Variants in WWOX observed in about 807,000 individuals in gnomAD.
WWOX encodes WW domain containing oxidoreductase, also known as WW domain-containing oxidoreductase.
A neutral mutation model predicts 46.2 loss-of-function variants in WWOX; 69 were observed. The ratio of observed to expected loss-of-function variants is 1.49; its 90% CI spans 1.23 to 1.82. The LOEUF (loss-of-function observed/expected upper bound fraction) is 1.82, where lower values mean the gene tolerates loss of function less well. Ranked by LOEUF, WWOX falls within the 40% of genes most tolerant of loss-of-function variation. The pLI is 0.00. For synonymous variants in WWOX, 359 were observed against 202.6 expected, an observed-to-expected ratio of 1.77 and a Z score of -6.56; for missense variants, 919 against 542.6, an observed-to-expected ratio of 1.69 and a Z score of -6.89.
At chr16:78,630,375 C>G (rs956434249) in intron 8 of WWOX, among the ~76,000 whole-genome samples, 1 of 152,120 alleles carries the variant, frequency 6.6e-6, no homozygotes, top group Non-Finnish European at 1.5e-5. Flanking sequence ...TCTGTCTAGA[C>G]TGCTTGTACC....
chr16:78,676,082 A>C (rs936462463), intron 8 of WWOX, among the ~76,000 whole-genome samples: 1 of 151,982 alleles, frequency 6.6e-6, no homozygotes, highest in Non-Finnish European at 1.5e-5. Flanking sequence ...AGACGTTACT[A>C]CTCCATAAGC....
In WWOX at chr16:79,093,093, G is replaced by C. The variant is rs73575143; in HGVS notation, c.1057-118515G>C. On this transcript the variant is annotated intron_variant, in intron 8 of 8. Coordinates refer to ENST00000566780, the MANE Select transcript of WWOX (RefSeq NM_016373.4). Reference sequence around the variant, plus strand: ...AGAAAGATGCTGAGCTGTTGGTTACGTAACTGTGGTACAGCCATTTCATAG... The same window carrying C: ...AGAAAGATGCTGAGCTGTTGGTTACCTAACTGTGGTACAGCCATTTCATAG... Among the ~76,000 whole-genome samples, 559 of 152,308 alleles carry C rather than the reference G, an allele frequency of 3.7e-3. 1 individual carries two copies. The highest frequency in any genetic ancestry group is 7.1e-3 in the Admixed American group (109 of 15,300).
intron 8 of WWOX, among the ~76,000 whole-genome samples, chr16:78,437,014 G>A (rs1474941597): frequency 6.6e-6 from 1 of 152,212 alleles, no homozygotes; most frequent in African/African-American, 2.4e-5. Context: ...CCTATCACCA[G>A]ATGGCTAGTG....
chr16:78,845,666 A>G (rs1299238786), intron 8 of WWOX, among the ~76,000 whole-genome samples: 2 of 152,344 alleles, frequency 1.3e-5, no homozygotes, highest in East Asian at 3.9e-4. Context: ...ATGATTAAGT[A>G]AGTAATGGAC....
At chr16:78,152,959 C>G (rs919065977) in intron 4 of WWOX, among the ~76,000 whole-genome samples, 1 of 152,146 alleles carries the variant, frequency 6.6e-6, no homozygotes, top group Non-Finnish European at 1.5e-5. Context: ...ATTTAGGAAG[C>G]TCTGTAGGGA....
chr16:78,575,746 A>C (rs1173286494), intron 8 of WWOX, among the ~76,000 whole-genome samples: 1 of 152,186 alleles, frequency 6.6e-6, no homozygotes, highest in Non-Finnish European at 1.5e-5. Flanking sequence ...AAATTTCATT[A>C]AATCACAACT....
At chr16:79,191,023 C>G (rs1470077558) in intron 8 of WWOX, among the ~76,000 whole-genome samples, 1 of 152,060 alleles carries the variant, frequency 6.6e-6, no homozygotes, top group African/African-American at 2.4e-5. Flanking sequence ...GGAAGATGAG[C>G]AAAGCATGAC....
At chr16:78,378,389 G>A (rs1054005208) in intron 5 of WWOX, among the ~76,000 whole-genome samples, 4 of 152,090 alleles carry the variant, frequency 2.6e-5, no homozygotes, top group African/African-American at 4.8e-5. Flanking sequence ...TGCTGTTTCA[G>A]GTTTGACTAA....
In WWOX at chr16:79,160,145, C is replaced by T. The variant is rs529624010; in HGVS notation, c.1057-51463C>T. ...CAAGAAGCCGTTGGAGTGGGTGCCA[C>T]GTGAGGCCGAGAACATCCAAATGAA... On this transcript the variant is annotated intron_variant, in intron 8 of 8. Transcript: ENST00000566780. 2.0e-5 allele frequency among the ~76,000 whole-genome samples: 3 copies of T among 152,306 alleles called. No individual in the cohort carries two copies. The South Asian group carries it at 6.2e-4, about 32-fold the overall frequency.
chr16:78,220,063 C>T (rs1282067130), intron 5 of WWOX, among the ~76,000 whole-genome samples: 2 of 152,104 alleles, frequency 1.3e-5, no homozygotes, highest in Admixed American at 6.5e-5. Flanking sequence ...TGGATTATCC[C>T]CCTGTAGAAT....
chr16:78,157,509 C>T (rs543473277), intron 4 of WWOX, among the ~76,000 whole-genome samples: 26 of 152,268 alleles, frequency 1.7e-4, no homozygotes, highest in African/African-American at 6.3e-4. Context: ...TACCCACACA[C>T]CCAAGGGGAG....
At chr16:78,484,804 C>T (rs28374221) in intron 8 of WWOX, among the ~76,000 whole-genome samples, 8,651 of 151,886 alleles carry the variant, frequency 0.057, 780 homozygotes, top group African/African-American at 0.2. Flanking sequence ...GTCCTGAAGT[C>T]GAGGTTCTGG....
intron 8 of WWOX, among the ~76,000 whole-genome samples, chr16:78,981,220 C>G (rs1032687455): frequency 2.0e-5 from 3 of 152,104 alleles, no homozygotes; most frequent in African/African-American, 4.8e-5. Flanking sequence ...TCAGAAATGG[C>G]TTTGCCCACA....
chr16:79,057,346 C>A (rs1013151565), intron 8 of WWOX, among the ~76,000 whole-genome samples: 1 of 152,120 alleles, frequency 6.6e-6, no homozygotes, highest in Non-Finnish European at 1.5e-5. Flanking sequence ...TGCAATTGCC[C>A]CCAAATTATC....
chr16:78,630,378 C>G (rs1425435234), intron 8 of WWOX, among the ~76,000 whole-genome samples: 1 of 152,132 alleles, frequency 6.6e-6, no homozygotes, highest in Non-Finnish European at 1.5e-5. Context: ...GTCTAGACTG[C>G]TTGTACCAAA....
rs567270388 is a variant in WWOX at position 78,585,122 on chromosome 16, C to T, written c.1056+152370C>T. ...TAAAAAGAAATTCTTTAGCCATGTC[C>T]GTGTGAACTAAATTCAGCGTCAGAT... On this transcript the variant is annotated intron_variant, in intron 8 of 8. Coordinates refer to ENST00000566780, the MANE Select transcript of WWOX (RefSeq NM_016373.4). Among the ~76,000 whole-genome samples, 7 of 152,314 alleles carry T rather than the reference C, an allele frequency of 4.6e-5. No homozygotes were observed. In the East Asian group the frequency reaches 7.7e-4, roughly 17 times the overall value.
At chr16:78,209,493 G>A (rs1307524053) in intron 5 of WWOX, among the ~76,000 whole-genome samples, 1 of 152,204 alleles carries the variant, frequency 6.6e-6, no homozygotes, top group Non-Finnish European at 1.5e-5. Context: ...TAGGCCCAAA[G>A]TGAAACGTCT....
chr16:78,957,509 T>G (rs151200087), intron 8 of WWOX, among the ~76,000 whole-genome samples: 163 of 152,300 alleles, frequency 1.1e-3, no homozygotes, highest in Non-Finnish European at 1.9e-3. Flanking sequence ...GAACAGGTGT[T>G]CTGTGGGAAC....
chr16:78,609,171 A>G (rs533772427), intron 8 of WWOX, among the ~76,000 whole-genome samples: 2 of 152,296 alleles, frequency 1.3e-5, no homozygotes, highest in South Asian at 2.1e-4. Context: ...TCCTTTCTCT[A>G]AAATATATTT....
Sources: gnomAD v4.1 joint callset for allele counts (sites outside exome capture counted in the v4.1 genomes callset) on GRCh38, gnomAD v4.1.1 for gene constraint, MANE v1.5 for transcripts, NCBI Gene and HGNC (gene_info 2026-07-23, HGNC 2026-07-21) for gene names.